DNER: variants seen among roughly 807,000 people sequenced by gnomAD.
DNER encodes the protein delta/notch like EGF repeat containing.
A neutral mutation model predicts 78.2 loss-of-function variants in DNER; 33 were observed. The observed-to-expected ratio is 0.42, with a 90% CI of 0.32 to 0.56. DNER has a LOEUF of 0.56. DNER is among the 20% of genes least tolerant of loss of function. The pLI is 0.11. For missense variants in DNER, 918 were observed against 975.3 expected, an observed-to-expected ratio of 0.94 and a Z score of 0.78; for synonymous variants, 417 against 384.8, an observed-to-expected ratio of 1.08 and a Z score of -0.98.
At chr2:229,710,883 C>T (rs891934170) in intron 1 of DNER, among the ~76,000 whole-genome samples, 43 of 151,994 alleles carry the variant, frequency 2.8e-4, no homozygotes, top group African/African-American at 8.9e-4. Flanking sequence ...TTAATTTAAT[C>T]CTTCCCAGAA....
intron 1 of DNER, among the ~76,000 whole-genome samples, chr2:229,655,003 TTTCA>T (rs1698889695): frequency 6.6e-6 from 1 of 152,132 alleles, no homozygotes; most frequent in Non-Finnish European, 1.5e-5. Context: ...TTAAAACATC[TTTCA>T]GATGTTTTAA....
At chr2:229,420,711 C>T (rs1191942212) in intron 8 of DNER, among the ~76,000 whole-genome samples, 1 of 152,140 alleles carries the variant, frequency 6.6e-6, no homozygotes, top group Non-Finnish European at 1.5e-5. Flanking sequence ...TATCACTTCA[C>T]ACCCATTAGG....
intron 11 of DNER, among the ~76,000 whole-genome samples, chr2:229,381,800 C>T (rs764729545): frequency 1.3e-5 from 2 of 152,180 alleles, no homozygotes; most frequent in Admixed American, 6.5e-5. Context: ...AGATAAAACT[C>T]CCATCTCCCT....
At chr2:229,671,126 A>G (rs1193070586) in intron 1 of DNER, among the ~76,000 whole-genome samples, 1 of 152,254 alleles carries the variant, frequency 6.6e-6, no homozygotes, top group African/African-American at 2.4e-5. Context: ...AGGACAAGAT[A>G]GGACAACTTC....
At chr2:229,710,868 C>T (rs999907687) in intron 1 of DNER, among the ~76,000 whole-genome samples, 1 of 151,924 alleles carries the variant, frequency 6.6e-6, no homozygotes, top group Non-Finnish European at 1.5e-5. Flanking sequence ...ATTTACAGCA[C>T]TTAATTAATT....
intron 1 of DNER, among the ~76,000 whole-genome samples, chr2:229,599,807 CAAAAT>C (rs1697793357): frequency 6.6e-6 from 1 of 152,064 alleles, no homozygotes; most frequent in Admixed American, 6.5e-5. Context: ...AAGCAATCTA[CAAAAT>C]AAACAGTCTA....
chr2:229,535,871 T>C (rs2154212933), intron 5 of DNER, among the ~76,000 whole-genome samples: 1 of 152,274 alleles, frequency 6.6e-6, no homozygotes, highest in Non-Finnish European at 1.5e-5. Flanking sequence ...CTCAAACTCC[T>C]GACCTCAGGT....
At chr2:229,406,611 A>T (rs1008782009) in intron 10 of DNER, among the ~76,000 whole-genome samples, 1 of 152,176 alleles carries the variant, frequency 6.6e-6, no homozygotes, top group Admixed American at 6.5e-5. Flanking sequence ...CTCAGCACAT[A>T]CACGTACAAA....
chr2:229,387,567 G>GA (rs766149029), intron 11 of DNER, among the ~76,000 whole-genome samples: 2 of 142,362 alleles, frequency 1.4e-5, no homozygotes, highest in Non-Finnish European at 3.1e-5. Context: ...AAGAAAGAAA[G>GA]AAAAGAAAGA....
At chr2:229,596,091 T>C (rs1327787756) in intron 1 of DNER, among the ~76,000 whole-genome samples, 1 of 152,202 alleles carries the variant, frequency 6.6e-6, no homozygotes, top group Non-Finnish European at 1.5e-5. Context: ...TGAGGTCCAA[T>C]TTCTGTTTTC....
chr2:229,672,701 C>A (rs1254100289), intron 1 of DNER, among the ~76,000 whole-genome samples: 1 of 151,954 alleles, frequency 6.6e-6, no homozygotes, highest in Non-Finnish European at 1.5e-5. Context: ...GAGGTGAAAG[C>A]TACATCACCT....
intron 4 of DNER, among the ~76,000 whole-genome samples, chr2:229,566,836 T>C (rs2154213906): frequency 6.6e-6 from 1 of 152,298 alleles, no homozygotes; most frequent in South Asian, 2.1e-4. Context: ...AGGGATGACT[T>C]GTTTTTCTGC....
At chr2:229,538,189 T>C (rs1377943675) in intron 5 of DNER, among the ~76,000 whole-genome samples, 4 of 152,224 alleles carry the variant, frequency 2.6e-5, no homozygotes, top group African/African-American at 4.8e-5. Context: ...ACAAAGCAGT[T>C]TCTGCAAGTA....
At chr2:229,509,064 G>A (rs561724702) in intron 6 of DNER, among the ~76,000 whole-genome samples, 4 of 152,298 alleles carry the variant, frequency 2.6e-5, no homozygotes, top group Admixed American at 6.5e-5. Context: ...TTTTGGTGGT[G>A]GTTTCACTGG....
chr2:229,632,715 TA>T (rs903049473), intron 1 of DNER, among the ~76,000 whole-genome samples: 1 of 152,228 alleles, frequency 6.6e-6, no homozygotes, highest in Non-Finnish European at 1.5e-5. Flanking sequence ...CACAAAAATA[TA>T]AATATCAGCC....
At chr2:229,685,444 C>T (rs1191318427) in intron 1 of DNER, among the ~76,000 whole-genome samples, 2 of 116,094 alleles carry the variant, frequency 1.7e-5, no homozygotes, top group Non-Finnish European at 3.6e-5. Context: ...CATAGCAGAG[C>T]TCATAATGTT....
At chr2:229,540,983 T>C (rs1331695777) in intron 5 of DNER, among the ~76,000 whole-genome samples, 1 of 152,252 alleles carries the variant, frequency 6.6e-6, no homozygotes, top group Non-Finnish European at 1.5e-5. Context: ...AGGAAAACTA[T>C]GGGATTGTTA....
chr2:229,534,843 T>C (rs1696373180), intron 5 of DNER, among the ~76,000 whole-genome samples: 1 of 152,220 alleles, frequency 6.6e-6, no homozygotes. Flanking sequence ...TTAATTCTTT[T>C]TTTTTATTTT....
At chr2:229,651,361 G>A (rs1698813412) in intron 1 of DNER, among the ~76,000 whole-genome samples, 2 of 152,230 alleles carry the variant, frequency 1.3e-5, no homozygotes, top group South Asian at 4.1e-4. Flanking sequence ...GTAGACAGGA[G>A]GAAAGTCTTC....
Sources: allele counts gnomAD v4.1 joint callset (sites outside exome capture counted in the v4.1 genomes callset), GRCh38; gene constraint gnomAD v4.1.1; transcripts MANE v1.5; gene names NCBI Gene and HGNC (gene_info 2026-07-23, HGNC 2026-07-21).